Variants in TRPM6 observed in about 807,000 individuals in gnomAD.
TRPM6 encodes transient receptor potential cation channel subfamily M member 6, also known as channel kinase 2.
Under a neutral mutation model 247.6 loss-of-function variants are expected in TRPM6, and 111 were observed. The ratio of observed to expected loss-of-function variants is 0.45; its 90% confidence interval spans 0.38 to 0.52. The LOEUF (loss-of-function observed/expected upper bound fraction) is 0.52, where lower values mean the gene tolerates loss of function less well. TRPM6 is among the 20% of genes least tolerant of loss of function. The pLI, the probability that TRPM6 is intolerant of heterozygous loss-of-function variation, is 0.00. For synonymous variants in TRPM6, 892 were observed against 853.8 expected (o/e 1.04, Z -0.78); for missense variants, 2,126 against 2,421.5 (o/e 0.88, Z 2.56).
At chr9:74,872,516 G>A (rs570250808) in intron 1 of TRPM6, among the ~76,000 whole-genome samples, 14 of 152,144 alleles carry the variant, frequency 9.2e-5, no homozygotes, top group South Asian at 6.2e-4. Flanking sequence ...TGCAACCTCC[G>A]CCTCGCAATG....
chr9:74,849,652 A>G (rs999651412), intron 3 of TRPM6, among the ~76,000 whole-genome samples: 1 of 152,182 alleles, frequency 6.6e-6, no homozygotes, highest in Non-Finnish European at 1.5e-5. Flanking sequence ...GGTGACTAAA[A>G]TCCTGGCTAT....
chr9:74,847,988 T>C (rs548864606), intron 3 of TRPM6, among the ~76,000 whole-genome samples: 1 of 152,322 alleles, frequency 6.6e-6, no homozygotes, highest in African/African-American at 2.4e-5. Context: ...TGTTCATGTC[T>C]TCCACCCACA....
chr9:74,786,222 T>C, intron 20 of TRPM6, 97 bp from the exon 21 acceptor site: 1 of 1,416,570 alleles, frequency 7.1e-7, no homozygotes. Flanking sequence ...ACTGAAAGAG[T>C]AATCTAAAAC....
intron 1 of TRPM6, among the ~76,000 whole-genome samples, chr9:74,865,483 C>T (rs1019877392): frequency 6.6e-6 from 1 of 152,166 alleles, no homozygotes; most frequent in Non-Finnish European, 1.5e-5. Context: ...GTGTACTTTA[C>T]AACTGTCCCT....
chr9:74,822,809 A>AT (rs1249230855), intron 7 of TRPM6, among the ~76,000 whole-genome samples: 1 of 152,180 alleles, frequency 6.6e-6, no homozygotes, highest in Non-Finnish European at 1.5e-5. Context: ...AGCTTACAGA[A>AT]TAATATGCAC....
chr9:74,778,840 T>C (rs965508441), intron 23 of TRPM6, among the ~76,000 whole-genome samples: 6 of 152,166 alleles, frequency 3.9e-5, no homozygotes, highest in Admixed American at 3.9e-4. Flanking sequence ...CAGCAGGTGT[T>C]CACCCAACCT....
intron 16 of TRPM6, among the ~76,000 whole-genome samples, chr9:74,801,668 T>C (rs933818524): frequency 3.9e-5 from 6 of 152,186 alleles, no homozygotes; most frequent in African/African-American, 1.4e-4. Context: ...ACTTGTCTAA[T>C]TAGTCAACAG....
intron 25 of TRPM6, among the ~76,000 whole-genome samples, chr9:74,767,799 G>T (rs534857006): frequency 6.6e-6 from 1 of 152,210 alleles, no homozygotes; most frequent in Admixed American, 6.5e-5. Flanking sequence ...GCAAGACCCT[G>T]CCTCTATAAA....
At chr9:74,782,929 C>T in intron 21 of TRPM6, 76 bp from the exon 22 acceptor site, 2 of 1,351,668 alleles carry the variant, frequency 1.5e-6, no homozygotes, top group Non-Finnish European at 2.1e-6. Flanking sequence ...CAGCAGCCAT[C>T]ATAACTATAC....
At chr9:74,780,955 A>C (rs1827418767) in intron 23 of TRPM6, among the ~76,000 whole-genome samples, 1 of 152,162 alleles carries the variant, frequency 6.6e-6, no homozygotes, top group Non-Finnish European at 1.5e-5. Flanking sequence ...GTATGTTGGG[A>C]AAGAGGGGAG....
chr9:74,760,282 C>G (rs765540631), intron 27 of TRPM6, among the ~76,000 whole-genome samples: 3 of 152,110 alleles, frequency 2.0e-5, no homozygotes, highest in Non-Finnish European at 4.4e-5. Context: ...CAATTTTTAT[C>G]TTTTATACTG....
intron 6 of TRPM6, among the ~76,000 whole-genome samples, chr9:74,829,898 G>A (rs1007024186): frequency 6.6e-6 from 1 of 152,098 alleles, no homozygotes. Flanking sequence ...GCCAAGGCAG[G>A]AAGATCACTT....
intron 11 of TRPM6, among the ~76,000 whole-genome samples, chr9:74,815,052 G>A (rs1415922401): frequency 6.6e-6 from 1 of 152,118 alleles, no homozygotes; most frequent in Non-Finnish European, 1.5e-5. Context: ...AAAGAGATAA[G>A]AATATTAGAG....
intron 1 of TRPM6, among the ~76,000 whole-genome samples, chr9:74,867,347 T>A (rs961123062): frequency 2.0e-5 from 3 of 152,196 alleles, no homozygotes; most frequent in Non-Finnish European, 2.9e-5. Context: ...CTAGGAGTCC[T>A]TGGACCACAT....
chr9:74,879,763 C>A (rs1831302345), intron 1 of TRPM6, among the ~76,000 whole-genome samples: 1 of 152,170 alleles, frequency 6.6e-6, no homozygotes, highest in South Asian at 2.1e-4. Flanking sequence ...TTCCCCCATA[C>A]CTAGCCCTGT....
chr9:74,761,391 A>C (rs986316953), intron 27 of TRPM6, among the ~76,000 whole-genome samples: 2 of 152,200 alleles, frequency 1.3e-5, no homozygotes. Flanking sequence ...AGATAAGTAA[A>C]TTGCAGTATA....
chr9:74,759,835 A>G (rs1330474147), intron 27 of TRPM6, among the ~76,000 whole-genome samples: 1 of 152,232 alleles, frequency 6.6e-6, no homozygotes, highest in Non-Finnish European at 1.5e-5. Flanking sequence ...CAAACCACTG[A>G]GACAAAATAT....
rs1828358273 is a variant in TRPM6, at chr9:74,802,064, C to A, written c.1843G>T (p.Ala615Ser). 1 of 1,614,038 alleles carries A rather than the reference C, an allele frequency of 6.2e-7. No homozygotes were observed. The highest frequency in any genetic ancestry group is 1.3e-5 in the African/African-American group (1 of 74,920). Residue 615 changes from alanine to serine, a missense_variant, in exon 16 of 39, where the codon GCT becomes TCT. Ala to Ser is a moderately conservative substitution (Grantham distance 99, BLOSUM62 1). Transcript: ENST00000360774. ...LYPYNDLLVW[A>S]VLMKRQKMAM... ...ATCTTCTGCCTTTTCATCAGCACAG[C>A]CCAAACCAGCAGGTCATTGTAAGGG...
At chr9:74,829,167 C>A (rs761677830) in intron 6 of TRPM6, among the ~76,000 whole-genome samples, 1 of 152,022 alleles carries the variant, frequency 6.6e-6, no homozygotes. Context: ...GTGGCATGCG[C>A]CTGTAGTCCA....
Sources: gnomAD v4.1 joint callset for allele counts (sites outside exome capture counted in the v4.1 genomes callset) on GRCh38, gnomAD v4.1.1 for gene constraint, MANE v1.5 for transcripts, NCBI Gene and HGNC (gene_info 2026-07-23, HGNC 2026-07-21) for gene names.